Variants in SLCO3A1 observed in about 807,000 individuals in gnomAD.
SLCO3A1 encodes the protein solute carrier organic anion transporter family member 3A1, also known as PGE1 transporter.
SLCO3A1 carries 27 observed loss-of-function variants against 63.1 expected under a neutral mutation model. That is an observed-to-expected ratio of 0.43 (90% CI 0.32 to 0.59). The LOEUF (loss-of-function observed/expected upper bound fraction) is 0.59, where lower values mean the gene tolerates loss of function less well. Among genes scored for constraint, SLCO3A1 ranks in the 20% least tolerant of loss-of-function variants. SLCO3A1 has a pLI of 0.09. For missense variants in SLCO3A1, 773 were observed against 945.8 expected, an observed-to-expected ratio of 0.82 and a Z score of 2.40; for synonymous variants, 473 against 409.9, an observed-to-expected ratio of 1.15 and a Z score of -1.86.
rs1234877388 is a variant in SLCO3A1, at chr15:91,954,705, A to G, written c.646+38247A>G. Among the ~76,000 whole-genome samples, 3 of 151,758 alleles carry G rather than the reference A, an allele frequency of 2.0e-5. No individual in the cohort carries two copies. The highest frequency in any genetic ancestry group is 1.9e-4 in the East Asian group (1 of 5,160). The stretch of plus-strand genomic sequence containing the variant: ...GTGGAGCCCCTGTGGTTAGAGCCCA[A>G]TGAGTGAGGGGGGTAAAGATGGGGA... On this transcript the variant is annotated intron_variant, in intron 2 of 9. Coordinates refer to ENST00000318445, the MANE Select transcript of SLCO3A1 (RefSeq NM_013272.4). The surrounding 1 kb of genome is among the most constrained non-coding windows in gnomAD (Gnocchi z 4.7).
At chr15:91,951,226 C>A (rs1250030855) in intron 2 of SLCO3A1, among the ~76,000 whole-genome samples, 1 of 152,188 alleles carries the variant, frequency 6.6e-6, no homozygotes, top group Admixed American at 6.5e-5. Flanking sequence ...CTCTCCCATC[C>A]CCTGTTCCCT....
intron 1 of SLCO3A1, among the ~76,000 whole-genome samples, chr15:91,855,374 G>T (rs960135754): frequency 6.6e-6 from 1 of 152,184 alleles, no homozygotes; most frequent in Non-Finnish European, 1.5e-5. Flanking sequence ...GAGAGAGGGG[G>T]TCTTCAAACT....
chr15:92,017,443 G>A (rs35079830), intron 2 of SLCO3A1, among the ~76,000 whole-genome samples: 14,788 of 152,202 alleles, frequency 0.097, 967 homozygotes, highest in Non-Finnish European at 0.15. Context: ...GAGAAGAAGC[G>A]GTGTGTGAAG....
chr15:92,157,560 G>C (rs890053908), intron 9 of SLCO3A1, among the ~76,000 whole-genome samples: 1 of 149,478 alleles, frequency 6.7e-6, no homozygotes, highest in Non-Finnish European at 1.5e-5. Context: ...GTGTGATCTT[G>C]GCTCACTGCA....
At chr15:92,062,968 A>G (rs1597274509) in intron 2 of SLCO3A1, among the ~76,000 whole-genome samples, 1 of 152,182 alleles carries the variant, frequency 6.6e-6, no homozygotes, top group African/African-American at 2.4e-5. Flanking sequence ...GCATTTCTCA[A>G]AGTGGGAGTT....
Position 91,885,205 on chromosome 15 carries a change from G to A in SLCO3A1, c.181-30788G>A, listed in dbSNP as rs561986843. Among the ~76,000 whole-genome samples, 78 of 152,296 alleles carry A rather than the reference G, an allele frequency of 5.1e-4. No individual in the cohort carries two copies. Among genetic ancestry groups the A allele is most frequent in the Non-Finnish European group, 9.4e-4 (64 of 68,028 alleles). On this transcript the variant is annotated intron_variant, in intron 1 of 9. Transcript: ENST00000318445. The surrounding 1 kb of genome is among the most constrained non-coding windows in gnomAD (Gnocchi z 4.7). Reference sequence around the variant, plus strand: ...TGTCTCCCTCTTTGCTCCCTTTGGCGTCACTCTCCACGCCCAGTAACGAAG... The same window carrying A: ...TGTCTCCCTCTTTGCTCCCTTTGGCATCACTCTCCACGCCCAGTAACGAAG...
intron 4 of SLCO3A1, among the ~76,000 whole-genome samples, chr15:92,115,031 G>T (rs888363984): frequency 6.6e-6 from 1 of 150,704 alleles, no homozygotes; most frequent in East Asian, 2.0e-4. Flanking sequence ...CTTGGGAGCC[G>T]TGACAGTGGT....
intron 2 of SLCO3A1, among the ~76,000 whole-genome samples, chr15:91,949,160 C>T (rs1899911812): frequency 6.6e-6 from 1 of 152,112 alleles, no homozygotes; most frequent in African/African-American, 2.4e-5. Context: ...CTTCTGCACA[C>T]AGATAACTCT....
Position 92,163,984 on chromosome 15 carries a change from A to G in SLCO3A1, c.*849A>G, listed in dbSNP as rs1002790203. The G allele has an allele frequency of 6.1e-6, 6 of 985,304 alleles. No individual in the cohort carries two copies. The highest frequency in any genetic ancestry group is 5.2e-5 in the African/African-American group (3 of 57,208). 61.0% of individuals were successfully genotyped at this position (985,304 alleles called of 1,614,324 possible). A position where few individuals can be genotyped will look rare whatever the true frequency, so the allele number is the denominator to read the frequency against. Reference sequence around the variant, plus strand: ...CCCGGCTCAGAGCTGGTGAGACCCAACGCAGTCCAAGTCATTTGCTTACAT... The same window carrying G: ...CCCGGCTCAGAGCTGGTGAGACCCAGCGCAGTCCAAGTCATTTGCTTACAT... On this transcript the variant is annotated 3_prime_UTR_variant, in exon 10 of 10. Transcript: ENST00000318445.
At chr15:92,125,887 C>T (rs917630024) in intron 5 of SLCO3A1, among the ~76,000 whole-genome samples, 174 bp from the exon 6 acceptor site, 3 of 151,820 alleles carry the variant, frequency 2.0e-5, no homozygotes. Flanking sequence ...CCATGAGCTC[C>T]CTGGGGGCAT....
At chr15:92,023,013 T>A (rs1471558012) in intron 2 of SLCO3A1, among the ~76,000 whole-genome samples, 1 of 152,112 alleles carries the variant, frequency 6.6e-6, no homozygotes, top group Non-Finnish European at 1.5e-5. Flanking sequence ...GAGTGGATGG[T>A]TATGCCAGCA....
chr15:92,119,514 G>A (rs34100035), intron 4 of SLCO3A1, among the ~76,000 whole-genome samples: 2 of 151,952 alleles, frequency 1.3e-5, no homozygotes, highest in East Asian at 3.9e-4. Flanking sequence ...GAAGAGACCC[G>A]CTAAGGAGAA....
At chr15:91,972,468 A>C (rs1900914918) in intron 2 of SLCO3A1, among the ~76,000 whole-genome samples, 1 of 152,126 alleles carries the variant, frequency 6.6e-6, no homozygotes, top group Non-Finnish European at 1.5e-5. Context: ...GCCATCTGTG[A>C]ACCAGAAAGT....
Position 92,151,001 on chromosome 15 carries a change from C to T in SLCO3A1, c.1740C>T (p.Leu580=), listed in dbSNP as rs745665605. The T allele has an allele frequency of 3.4e-5, 54 of 1,611,588 alleles. No individual in the cohort carries two copies. The highest frequency in any genetic ancestry group is 4.4e-5 in the Non-Finnish European group (52 of 1,178,326). The change falls in exon 9 of 10, where the codon CTC becomes CTT. Residue 580 remains leucine (L), a synonymous_variant. Coordinates refer to ENST00000318445, the MANE Select transcript of SLCO3A1 (RefSeq NM_013272.4). ...ACGCTTTGGGAGTTCTTTTTCTCCTCCTTCGTTTGTTGGGTATGTATTATC... is the reference window on the plus strand; with the variant it reads ...ACGCTTTGGGAGTTCTTTTTCTCCTTCTTCGTTTGTTGGGTATGTATTATC... ...KSYALGVLFL[L]LRLLGFIPPP...
intron 7 of SLCO3A1, among the ~76,000 whole-genome samples, chr15:92,137,777 G>T (rs1596134782): frequency 9.6e-6 from 1 of 103,672 alleles, no homozygotes; most frequent in Non-Finnish European, 1.8e-5. Context: ...GTCTTCTTTT[G>T]AGAAGTGTCT....
intron 2 of SLCO3A1, among the ~76,000 whole-genome samples, chr15:92,055,267 G>C (rs1318376014): frequency 6.6e-6 from 1 of 152,062 alleles, no homozygotes; most frequent in African/African-American, 2.4e-5. Context: ...TTCTGTTCAT[G>C]TCTGTTGCCC....
intron 1 of SLCO3A1, among the ~76,000 whole-genome samples, chr15:91,898,724 G>T (rs771522753): frequency 6.6e-6 from 1 of 151,932 alleles, no homozygotes; most frequent in Non-Finnish European, 1.5e-5. Context: ...CTGGGTGGGG[G>T]AGGGAGGCAA....
chr15:92,157,697 T>C (rs781424586), intron 9 of SLCO3A1, among the ~76,000 whole-genome samples: 2 of 152,160 alleles, frequency 1.3e-5, no homozygotes, highest in Non-Finnish European at 2.9e-5. Flanking sequence ...ACTCTTTCTC[T>C]AGAGGTGGTG....
chr15:91,980,488 G>A (rs1254716158), intron 2 of SLCO3A1, among the ~76,000 whole-genome samples: 7 of 151,584 alleles, frequency 4.6e-5, no homozygotes, highest in Non-Finnish European at 1.0e-4. Context: ...GGAGAAGGGG[G>A]TACTCAGCTG....
Sources: gnomAD v4.1 joint callset for allele counts (sites outside exome capture counted in the v4.1 genomes callset) on GRCh38, gnomAD v4.1.1 for gene constraint, Gnocchi (gnomAD v3.1) non-coding constraint, MANE v1.5 for transcripts, NCBI Gene and HGNC (gene_info 2026-07-23, HGNC 2026-07-21) for gene names.